Variants in RETREG1 observed in about 807,000 individuals in gnomAD.
RETREG1 encodes reticulophagy regulator 1.
RETREG1 carries 44 observed loss-of-function variants against 54.8 expected under a neutral mutation model. That is an observed-to-expected ratio of 0.80 (90% CI 0.63 to 1.03). The LOEUF is 1.03. Among genes scored for constraint, RETREG1 ranks in the 50% least tolerant of loss-of-function variants. The pLI, the probability that RETREG1 is intolerant of heterozygous loss-of-function variation, is 0.00. For missense variants in RETREG1, 554 were observed against 605.1 expected (o/e 0.92, Z 0.89); for synonymous variants, 217 against 238.5 (o/e 0.91, Z 0.83).
chr5:16,545,698 G>A (rs1345275578), intron 3 of RETREG1, among the ~76,000 whole-genome samples: 2 of 152,126 alleles, frequency 1.3e-5, no homozygotes, highest in Non-Finnish European at 2.9e-5. Context: ...CTGTTCCTGG[G>A]AACGTCTTGG....
chr5:16,561,449 A>G lies in RETREG1; in HGVS notation c.458+4314T>C, dbSNP rs1199933366. On this transcript the variant is annotated intron_variant, in intron 3 of 8. Coordinates refer to ENST00000306320, the MANE Select transcript of RETREG1 (RefSeq NM_001034850.3). The surrounding 1 kb of genome is among the most constrained non-coding windows in gnomAD (Gnocchi z 4.2). ...GAGGTGGAGCTTGCAGAGAGCCAAG[A>G]TCGCTCTACCACACTCCAGCCTGGG... Among the ~76,000 whole-genome samples the G allele has an allele frequency of 1.3e-5, 2 of 152,096 alleles. No homozygotes were observed. The highest frequency in any genetic ancestry group is 1.3e-4 in the Admixed American group (2 of 15,260).
Position 16,585,520 on chromosome 5 carries a change from A to G in RETREG1, c.321-13418T>C, listed in dbSNP as rs1298233083. On this transcript the variant is annotated intron_variant, in intron 1 of 8. Transcript: ENST00000306320. This position sits in a 1 kb window ranked among gnomAD's most constrained non-coding sequence, Gnocchi z 4.5. Reference sequence around the variant, plus strand: ...ATAAATTGAATACCTGCCCACTCCTATTCCACCTTCTACCTGACCTGGTCA... The same window carrying G: ...ATAAATTGAATACCTGCCCACTCCTGTTCCACCTTCTACCTGACCTGGTCA... 6.6e-6 allele frequency among the ~76,000 whole-genome samples: 1 copy of G among 152,150 alleles called. No individual in the cohort carries two copies. Among genetic ancestry groups the G allele is most frequent in the Non-Finnish European group, 1.5e-5 (1 of 68,010 alleles).
intron 3 of RETREG1, among the ~76,000 whole-genome samples, chr5:16,484,962 C>G (rs935037593): frequency 1.3e-5 from 2 of 152,072 alleles, no homozygotes; most frequent in African/African-American, 4.8e-5. Flanking sequence ...AGGACCATAT[C>G]TGGCACCAGG....
chr5:16,570,991 A>G (rs900275644), intron 2 of RETREG1, among the ~76,000 whole-genome samples: 4 of 152,202 alleles, frequency 2.6e-5, no homozygotes, highest in African/African-American at 9.7e-5. Flanking sequence ...TGGGAAGGAA[A>G]TATCTTCAAA....
At chr5:16,586,467 A>AT (rs938372382) in intron 1 of RETREG1, among the ~76,000 whole-genome samples, 2 of 151,964 alleles carry the variant, frequency 1.3e-5, no homozygotes, top group African/African-American at 2.4e-5. Context: ...TACTTGGGGC[A>AT]TTTTTTTTAC....
chr5:16,556,082 A>C (rs1741696748), intron 3 of RETREG1, among the ~76,000 whole-genome samples: 1 of 152,034 alleles, frequency 6.6e-6, no homozygotes, highest in Admixed American at 6.6e-5. Flanking sequence ...CACTGATAAA[A>C]CCATCAGAGT....
intron 8 of RETREG1, among the ~76,000 whole-genome samples, chr5:16,475,726 T>G (rs1027267521): frequency 6.6e-6 from 1 of 152,200 alleles, no homozygotes; most frequent in Non-Finnish European, 1.5e-5. Context: ...TAATCTGTGT[T>G]TGTTTTAAGC....
intron 3 of RETREG1, among the ~76,000 whole-genome samples, chr5:16,492,229 T>TCTCTCTCTCTCTCACA (rs1406702350): frequency 3.1e-4 from 34 of 110,642 alleles, no homozygotes; most frequent in South Asian, 6.5e-4. Flanking sequence ...TCTCTCTCTC[T>TCTCTCTCTCTCTCACA]CACACACACA....
chr5:16,592,867 G>A (rs1184381568), intron 1 of RETREG1, among the ~76,000 whole-genome samples: 1 of 152,032 alleles, frequency 6.6e-6, no homozygotes, highest in Non-Finnish European at 1.5e-5. Context: ...CACAAAGAGG[G>A]GAACAACAGA....
At chr5:16,490,161 C>A (rs1430776001) in intron 3 of RETREG1, among the ~76,000 whole-genome samples, 1 of 152,084 alleles carries the variant, frequency 6.6e-6, no homozygotes, top group African/African-American at 2.4e-5. Flanking sequence ...GGTTTGAGTT[C>A]TTGGGTCCTG....
At chr5:16,518,520 CA>C (rs1203611041) in intron 3 of RETREG1, among the ~76,000 whole-genome samples, 1 of 151,126 alleles carries the variant, frequency 6.6e-6, no homozygotes, top group Non-Finnish European at 1.5e-5. Flanking sequence ...TTTTTATTTT[CA>C]GCAACAAATT....
intron 1 of RETREG1, among the ~76,000 whole-genome samples, chr5:16,598,284 C>G (rs1742959179): frequency 6.6e-6 from 1 of 152,222 alleles, no homozygotes. Flanking sequence ...GCCCTTCCTA[C>G]ATACCGCTAG....
At chr5:16,560,493 A>T (rs1741826007) in intron 3 of RETREG1, among the ~76,000 whole-genome samples, 1 of 152,244 alleles carries the variant, frequency 6.6e-6, no homozygotes, top group African/African-American at 2.4e-5. Context: ...CGCCATGGAA[A>T]AAAAGGCTTG....
intron 1 of RETREG1, among the ~76,000 whole-genome samples, chr5:16,598,544 C>T (rs1742965381): frequency 6.6e-6 from 1 of 152,252 alleles, no homozygotes; most frequent in Non-Finnish European, 1.5e-5. Context: ...ACCACTTCTA[C>T]TTAGCATTCA....
intron 3 of RETREG1, among the ~76,000 whole-genome samples, chr5:16,551,512 A>G (rs978569065): frequency 6.6e-6 from 1 of 152,072 alleles, no homozygotes; most frequent in African/African-American, 2.4e-5. Context: ...CTACTTGCCC[A>G]GTAAGGACAT....
chr5:16,510,475 G>A (rs1740135091), intron 3 of RETREG1, among the ~76,000 whole-genome samples: 1 of 152,024 alleles, frequency 6.6e-6, no homozygotes, highest in Non-Finnish European at 1.5e-5. Context: ...TATTATCAAT[G>A]ATAATATTTT....
intron 8 of RETREG1, among the ~76,000 whole-genome samples, chr5:16,476,211 A>T (rs1243861394): frequency 6.6e-6 from 1 of 152,038 alleles, no homozygotes; most frequent in Admixed American, 6.6e-5. Context: ...CAAAGGCAAG[A>T]CTCCACTTGG....
chr5:16,523,604 A>G (rs989000645), intron 3 of RETREG1, among the ~76,000 whole-genome samples: 1 of 152,096 alleles, frequency 6.6e-6, no homozygotes, highest in Non-Finnish European at 1.5e-5. Context: ...TTGCAACTGT[A>G]GTTATTATTT....
At chr5:16,520,969 GCA>G (rs1740517157) in intron 3 of RETREG1, among the ~76,000 whole-genome samples, 1 of 152,104 alleles carries the variant, frequency 6.6e-6, no homozygotes, top group African/African-American at 2.4e-5. Flanking sequence ...AGAAATAACT[GCA>G]GGAAACAGGG....
Sources: allele counts gnomAD v4.1 joint callset (sites outside exome capture counted in the v4.1 genomes callset), GRCh38; gene constraint gnomAD v4.1.1; non-coding constraint Gnocchi (gnomAD v3.1); transcripts MANE v1.5; gene names NCBI Gene and HGNC (gene_info 2026-07-23, HGNC 2026-07-21).